The following XYLT1 variants were observed in gnomAD, a reference collection of about 807,000 sequenced individuals.
XYLT1 encodes the protein xylosyltransferase 1.
A neutral mutation model predicts 91.3 loss-of-function variants in XYLT1; 36 were observed. The observed-to-expected ratio is 0.39, with a 90% CI of 0.30 to 0.52. The LOEUF is 0.52. Among genes scored for constraint, XYLT1 ranks in the 20% least tolerant of loss-of-function variants. The pLI, the probability that XYLT1 is intolerant of heterozygous loss-of-function variation, is 0.68. For synonymous variants in XYLT1, 588 were observed against 532.0 expected, an observed-to-expected ratio of 1.11 and a Z score of -1.45; for missense variants, 1,242 against 1,284.5, an observed-to-expected ratio of 0.97 and a Z score of 0.51.
chr16:17,466,023 C>T (rs1370306983), intron 1 of XYLT1, among the ~76,000 whole-genome samples: 2 of 152,172 alleles, frequency 1.3e-5, no homozygotes, highest in Non-Finnish European at 2.9e-5. Flanking sequence ...TCATTGGTGC[C>T]GGGGCCTCGC....
chr16:17,189,296 C>T (rs577753384), intron 5 of XYLT1, among the ~76,000 whole-genome samples: 1 of 152,290 alleles, frequency 6.6e-6, no homozygotes, highest in South Asian at 2.1e-4. Context: ...GTTTCTTTCC[C>T]GTTCAGCTGA....
chr16:17,314,284 A>C (rs959180989), intron 2 of XYLT1, among the ~76,000 whole-genome samples: 2 of 152,130 alleles, frequency 1.3e-5, no homozygotes, highest in African/African-American at 4.8e-5. Flanking sequence ...CCCTGACTTC[A>C]GGAGCCTCCC....
intron 3 of XYLT1, among the ~76,000 whole-genome samples, chr16:17,218,574 C>G (rs1346362553): frequency 5.3e-5 from 8 of 152,284 alleles, no homozygotes; most frequent in Admixed American, 4.6e-4. Flanking sequence ...TCGAAGCTTT[C>G]ATCCATAGGT....
At chr16:17,364,949 G>A (rs1416816717) in intron 1 of XYLT1, among the ~76,000 whole-genome samples, 1 of 152,146 alleles carries the variant, frequency 6.6e-6, no homozygotes, top group African/African-American at 2.4e-5. Flanking sequence ...GAACCGGAGA[G>A]ACTTTACATG....
intron 1 of XYLT1, among the ~76,000 whole-genome samples, chr16:17,415,706 A>G (rs1363153746): frequency 6.6e-6 from 1 of 152,158 alleles, no homozygotes; most frequent in East Asian, 1.9e-4. Context: ...AAAGGAAAAA[A>G]AAACCCACAG....
intron 1 of XYLT1, among the ~76,000 whole-genome samples, chr16:17,443,331 T>C (rs2036553702): frequency 6.6e-6 from 1 of 152,208 alleles, no homozygotes; most frequent in African/African-American, 2.4e-5. Flanking sequence ...AAATCTCATC[T>C]CGAACTGTAA....
At chr16:17,295,332 T>TTTTTGTTTTG (rs1555495172) in intron 2 of XYLT1, among the ~76,000 whole-genome samples, 24 of 115,826 alleles carry the variant, frequency 2.1e-4, no homozygotes, top group Admixed American at 3.2e-4. Flanking sequence ...TAGAGCCAGG[T>TTTTTGTTTTG]TTTTGTTTTG....
chr16:17,134,143 AG>A (rs2030612084), intron 9 of XYLT1, among the ~76,000 whole-genome samples: 1 of 152,190 alleles, frequency 6.6e-6, no homozygotes, highest in Non-Finnish European at 1.5e-5. Context: ...CATCAAAAAA[AG>A]TTTTGTACCT....
intron 1 of XYLT1, among the ~76,000 whole-genome samples, chr16:17,367,473 C>T (rs2035470742): frequency 6.6e-6 from 1 of 152,236 alleles, no homozygotes. Context: ...TTTGCACCCA[C>T]TTGCTGTGGT....
At chr16:17,373,570 A>G (rs2035562612) in intron 1 of XYLT1, among the ~76,000 whole-genome samples, 1 of 152,218 alleles carries the variant, frequency 6.6e-6, no homozygotes, top group South Asian at 2.1e-4. Context: ...TATTATTTTT[A>G]CTAGCTGTAG....
chr16:17,153,220 G>C (rs1406585880), intron 6 of XYLT1, among the ~76,000 whole-genome samples: 1 of 152,108 alleles, frequency 6.6e-6, no homozygotes, highest in Non-Finnish European at 1.5e-5. Flanking sequence ...CTATGGGATT[G>C]GTATGATTAT....
chr16:17,307,681 C>A (rs550614346), intron 2 of XYLT1, among the ~76,000 whole-genome samples: 1 of 152,158 alleles, frequency 6.6e-6, no homozygotes, highest in Non-Finnish European at 1.5e-5. Flanking sequence ...TCCAATGACT[C>A]TGGCCCATTT....
chr16:17,133,451 A>T (rs920936428), intron 9 of XYLT1, among the ~76,000 whole-genome samples: 1 of 152,218 alleles, frequency 6.6e-6, no homozygotes, highest in Admixed American at 6.5e-5. Flanking sequence ...CATTATTTAC[A>T]AGGGTACATT....
chr16:17,244,828 G>T (rs2033409255), intron 3 of XYLT1, among the ~76,000 whole-genome samples: 1 of 152,172 alleles, frequency 6.6e-6, no homozygotes, highest in South Asian at 2.1e-4. Flanking sequence ...TATATGGTCA[G>T]CTACTATAAA....
At chr16:17,278,034 A>G (rs1304183442) in intron 2 of XYLT1, among the ~76,000 whole-genome samples, 1 of 152,136 alleles carries the variant, frequency 6.6e-6, no homozygotes, top group Non-Finnish European at 1.5e-5. Context: ...CCCTCCTGCC[A>G]TGATTGACAG....
chr16:17,187,260 G>A (rs1035060135), intron 5 of XYLT1, among the ~76,000 whole-genome samples: 39 of 151,768 alleles, frequency 2.6e-4, no homozygotes. Context: ...CAGGCATGGT[G>A]GCACGTGCCT....
At chr16:17,459,345 C>T (rs529252283) in intron 1 of XYLT1, among the ~76,000 whole-genome samples, 102 of 152,216 alleles carry the variant, frequency 6.7e-4, no homozygotes, top group Non-Finnish European at 1.1e-3. Flanking sequence ...GCATTCTAGC[C>T]GGGGTGACGT....
Position 17,256,100 on chromosome 16 carries a change from T to TA in XYLT1, c.913+2887dup, listed in dbSNP as rs375893862. On this transcript the variant is annotated intron_variant, in intron 3 of 11. Coordinates refer to ENST00000261381, the MANE Select transcript of XYLT1 (RefSeq NM_022166.4). ...ACTAAAATAATATAGATGCACTTGT[T>TA]AAAGTTGTCCCTGCTGCCACCCTGT... Among the ~76,000 whole-genome samples, 69 of 152,290 alleles carry TA rather than the reference T, an allele frequency of 4.5e-4. No homozygotes were observed. The East Asian group carries it at 0.011, about 23-fold the overall frequency.
At chr16:17,200,922 T>C (rs559831023) in intron 3 of XYLT1, among the ~76,000 whole-genome samples, 3 of 152,328 alleles carry the variant, frequency 2.0e-5, no homozygotes, top group South Asian at 4.1e-4. Context: ...TGGACACATA[T>C]TAAGCTACTG....
Sources: gnomAD v4.1 joint callset for allele counts (sites outside exome capture counted in the v4.1 genomes callset) on GRCh38, gnomAD v4.1.1 for gene constraint, MANE v1.5 for transcripts, NCBI Gene and HGNC (gene_info 2026-07-23, HGNC 2026-07-21) for gene names.